The following CHLSN variants were observed in gnomAD, a reference collection of about 807,000 sequenced individuals.
The protein encoded by CHLSN is protein cholesin.
chr7:1,056,315 A>C, the CHLSN span: 4 of 152,986 alleles, frequency 2.6e-5, no homozygotes, highest in African/African-American at 7.2e-5. Flanking sequence ...CTGTGGCGGC[A>C]CTGTGGCTGG....
At chr7:1,114,286 GCTGC>G in the CHLSN span, among the ~76,000 whole-genome samples, 946 of 152,392 alleles carry the variant, frequency 6.2e-3, 6 homozygotes, top group African/African-American at 0.021. Flanking sequence ...AGAAAGACCT[GCTGC>G]CTAAGTGCCA....
chr7:1,126,468 C>T, the CHLSN span, among the ~76,000 whole-genome samples: 5 of 151,346 alleles, frequency 3.3e-5, no homozygotes, highest in East Asian at 7.7e-4. Flanking sequence ...CACTTGAGGT[C>T]GGAAGTTTCA....
chr7:1,127,597 C>CT, the CHLSN span, among the ~76,000 whole-genome samples: 2,697 of 144,440 alleles, frequency 0.019, 64 homozygotes, highest in African/African-American at 0.048. Flanking sequence ...TCCTTTCTGT[C>CT]TTTTTTTTTT....
the CHLSN span, among the ~76,000 whole-genome samples, chr7:986,005 C>G: frequency 6.6e-6 from 1 of 152,128 alleles, no homozygotes; most frequent in African/African-American, 2.4e-5. Flanking sequence ...TGGAGCCAGG[C>G]AGGCCCAGAG....
chr7:1,009,950 C>G, the CHLSN span: 1 of 1,550,462 alleles, frequency 6.4e-7, no homozygotes, highest in Non-Finnish European at 8.7e-7. Context: ...GGCCGCTCAC[C>G]TGCAGAGGTA....
At chr7:1,062,636 C>CTTCTGTGG in the CHLSN span, among the ~76,000 whole-genome samples, 2 of 152,222 alleles carry the variant, frequency 1.3e-5, no homozygotes, top group African/African-American at 4.8e-5. Flanking sequence ...ATTGACTACA[C>CTTCTGTGG]CCCTGAGGGC....
At chr7:1,090,275 C>A in the CHLSN span, among the ~76,000 whole-genome samples, 1 of 152,188 alleles carries the variant, frequency 6.6e-6, no homozygotes, top group Non-Finnish European at 1.5e-5. Flanking sequence ...CCCACCAGCA[C>A]CCCCCTGTGA....
At chr7:1,040,853 A>G in the CHLSN span, among the ~76,000 whole-genome samples, 3 of 152,228 alleles carry the variant, frequency 2.0e-5, no homozygotes, top group African/African-American at 7.2e-5. Flanking sequence ...GAACACATAA[A>G]CAACGAGAAG....
At chr7:1,126,083 C>G in the CHLSN span, among the ~76,000 whole-genome samples, 1 of 152,050 alleles carries the variant, frequency 6.6e-6, no homozygotes, top group Non-Finnish European at 1.5e-5. Context: ...AATGCAGGGC[C>G]TGGAGCAGTG....
chr7:1,079,980 C>T, the CHLSN span, among the ~76,000 whole-genome samples: 13 of 152,236 alleles, frequency 8.5e-5, no homozygotes, highest in East Asian at 1.9e-4. Flanking sequence ...GGCTCAGGAA[C>T]GAGTCCCACA....
chr7:1,008,844 C>CAT, the CHLSN span, among the ~76,000 whole-genome samples: 39 of 139,246 alleles, frequency 2.8e-4, no homozygotes, highest in East Asian at 7.1e-3. Context: ...TATACACACG[C>CAT]ACACACGTAA....
the CHLSN span, among the ~76,000 whole-genome samples, chr7:1,006,544 G>A: frequency 1.4e-5 from 2 of 144,884 alleles, no homozygotes; most frequent in East Asian, 2.1e-4. Flanking sequence ...AGCACACGAC[G>A]GCCACAGCGC....
the CHLSN span, among the ~76,000 whole-genome samples, chr7:1,083,552 C>T: frequency 2.0e-5 from 3 of 151,394 alleles, no homozygotes; most frequent in African/African-American, 4.9e-5. Context: ...GGTGTGAACC[C>T]GGGAGGTGGA....
At chr7:1,098,454 A>G in the CHLSN span, among the ~76,000 whole-genome samples, 1 of 152,238 alleles carries the variant, frequency 6.6e-6, no homozygotes, top group Non-Finnish European at 1.5e-5. Context: ...AAAAGGAACA[A>G]AGCGTGGACC....
chr7:979,526 C>A, the CHLSN span, among the ~76,000 whole-genome samples: 1 of 151,890 alleles, frequency 6.6e-6, no homozygotes, highest in Non-Finnish European at 1.5e-5. Context: ...CCACGGTGGG[C>A]GGATCATCTG....
the CHLSN span, chr7:984,362 G>GA: frequency 1.3e-6 from 2 of 1,536,068 alleles, no homozygotes; most frequent in South Asian, 2.4e-5. Flanking sequence ...GGACCTAAGG[G>GA]GGGTCTTGTG....
chr7:1,040,195 A>AAAAAATAATAAT, the CHLSN span, among the ~76,000 whole-genome samples: 1 of 120,812 alleles, frequency 8.3e-6, no homozygotes, highest in Non-Finnish European at 2.1e-5. Flanking sequence ...AAAAAAAAAA[A>AAAAAATAATAAT]AAAAAAAAAT....
the CHLSN span, among the ~76,000 whole-genome samples, chr7:1,068,368 AC>A: frequency 1.3e-5 from 2 of 151,930 alleles, no homozygotes; most frequent in Non-Finnish European, 2.9e-5. Context: ...GGTCACTGCC[AC>A]CCGGCAGGGA....
the CHLSN span, among the ~76,000 whole-genome samples, chr7:1,088,878 C>T: frequency 1.3e-5 from 2 of 151,950 alleles, no homozygotes; most frequent in African/African-American, 4.8e-5. This position sits in a 1 kb window ranked among gnomAD's most constrained non-coding sequence, Gnocchi z 4.5. Context: ...CCCAGGACCA[C>T]ATCAGACACT....
Sources: gnomAD v4.1 joint callset for allele counts (sites outside exome capture counted in the v4.1 genomes callset) on GRCh38, gnomAD v4.1.1 for gene constraint, Gnocchi (gnomAD v3.1) non-coding constraint, MANE v1.5 for transcripts, NCBI Gene and HGNC (gene_info 2026-07-23, HGNC 2026-07-21) for gene names.